Variants in WDFY3 observed in about 807,000 individuals in gnomAD.
The protein encoded by WDFY3 is WD repeat and FYVE domain containing 3, also known as WD repeat and FYVE domain-containing protein 3.
Under a neutral mutation model 409.6 loss-of-function variants are expected in WDFY3, and 66 were observed. The observed-to-expected ratio is 0.16, with a 90% confidence interval of 0.13 to 0.20. The LOEUF is 0.20. Ranked by LOEUF, WDFY3 falls within the 10% of genes least tolerant of loss-of-function variation. The pLI is 1.00. For missense variants in WDFY3, 3,031 were observed against 4,298.1 expected, an observed-to-expected ratio of 0.71 and a Z score of 8.24; for synonymous variants, 1,521 against 1,537.1, an observed-to-expected ratio of 0.99 and a Z score of 0.25.
intron 2 of WDFY3, among the ~76,000 whole-genome samples, chr4:84,929,426 A>G (rs2150943330): frequency 6.6e-6 from 1 of 151,996 alleles, no homozygotes; most frequent in Admixed American, 6.6e-5. Flanking sequence ...TAATCTGAGA[A>G]GTTTTGGGGT....
chr4:84,753,644 T>C (rs1740920350), intron 35 of WDFY3, 53 bp downstream of exon 35: 4 of 1,494,522 alleles, frequency 2.7e-6, no homozygotes, highest in Middle Eastern at 1.8e-4. Flanking sequence ...ACAGACTAAT[T>C]CCAGTTCTGA....
At chr4:84,713,358 A>C in intron 50 of WDFY3, 119 bp from the exon 51 acceptor site, 2 of 798,402 alleles carry the variant, frequency 2.5e-6, no homozygotes, top group Non-Finnish European at 4.1e-6. Flanking sequence ...CCCATAACCC[A>C]CTAAATGGCA....
At chr4:84,961,528 A>G (rs1285630553) in intron 1 of WDFY3, among the ~76,000 whole-genome samples, 1 of 152,182 alleles carries the variant, frequency 6.6e-6, no homozygotes, top group Non-Finnish European at 1.5e-5. Context: ...ATAATTCCCT[A>G]ATGATTATTC....
chr4:84,801,638 A>C lies in WDFY3; in HGVS notation c.2822+12T>G. On this transcript the variant is annotated intron_variant, in intron 17 of 67. Transcript: ENST00000295888. Reference sequence around the variant, plus strand: ...CTAATTGTGGACTATTTGAGTATGAAAGAGAACTTACCTCAACACCATGGG... The same window carrying C: ...CTAATTGTGGACTATTTGAGTATGACAGAGAACTTACCTCAACACCATGGG... 5 of 1,599,412 alleles carry C rather than the reference A, an allele frequency of 3.1e-6. No homozygotes were observed. The highest frequency in any genetic ancestry group is 4.3e-6 in the Non-Finnish European group (5 of 1,171,114).
rs182524616 is a variant in WDFY3 at position 84,712,808 on chromosome 4, A to G, written c.8042+351T>C. Among the ~76,000 whole-genome samples the G allele has an allele frequency of 3.0e-3, 463 of 152,316 alleles. 3 individuals carry two copies. Among genetic ancestry groups the G allele is most frequent in the African/African-American group, 0.011 (444 of 41,578 alleles). On this transcript the variant is annotated intron_variant, in intron 51 of 67. Coordinates refer to ENST00000295888, the MANE Select transcript of WDFY3 (RefSeq NM_014991.6). ...TATATGTGATGAATAGATAGCGAATAATAGTTATGTTTCTGAATAGTTTTT... is the reference window on the plus strand; with the variant it reads ...TATATGTGATGAATAGATAGCGAATGATAGTTATGTTTCTGAATAGTTTTT...
chr4:84,965,665 T>G (rs115760347), intron 1 of WDFY3: 262 of 152,294 alleles, frequency 1.7e-3, no homozygotes, highest in Admixed American at 5.0e-3. Flanking sequence ...TCGAAGGGCT[T>G]CCAGCGTAGG....
chr4:84,809,805 G>C lies in WDFY3; in HGVS notation c.2345+82C>G, dbSNP rs766098877. On this transcript the variant is annotated intron_variant, in intron 14 of 67. Transcript: ENST00000295888. The stretch of plus-strand genomic sequence containing the variant: ...AGTCATCTGTTTTCATATTCTTTTG[G>C]ATTAACTCATAATTCAAGTCTTAAT... 1.0e-5 allele frequency: 13 copies of C among 1,255,290 alleles called. 1 individual carries two copies. The South Asian group carries it at 1.5e-4, about 14-fold the overall frequency. The allele number at this position is 1,255,290 out of a possible 1,614,324, so 77.8% of individuals were successfully genotyped here.
chr4:84,820,597 T>C (rs1357780934), intron 11 of WDFY3, among the ~76,000 whole-genome samples: 1 of 152,078 alleles, frequency 6.6e-6, no homozygotes, highest in Non-Finnish European at 1.5e-5. Flanking sequence ...AATTGCCAGA[T>C]ACTACTGTAC....
At chr4:84,738,609 A>G (rs1737869758) in intron 40 of WDFY3, among the ~76,000 whole-genome samples, 1 of 152,088 alleles carries the variant, frequency 6.6e-6, no homozygotes, top group Non-Finnish European at 1.5e-5. Context: ...TTAAAAAAAA[A>G]AAAAAAAAGA....
rs1015215309 is a variant in WDFY3, at chr4:84,801,984, G to A, written c.2608-120C>T. On this transcript the variant is annotated intron_variant, in intron 16 of 67. Transcript: ENST00000295888. ...TTTTTTGAGACGGAGTTTCGCTCTT[G>A]TTGTCCAGGCTGGAGTGCAATGGTG... is the stretch of plus-strand genomic sequence containing the variant. 4.9e-5 allele frequency: 48 copies of A among 970,254 alleles called. No individual in the cohort carries two copies. The African/African-American group carries it at 7.7e-4, about 16-fold the overall frequency. The allele number at this position is 970,254 out of a possible 1,614,324, so 60.1% of individuals were successfully genotyped here.
intron 63 of WDFY3, chr4:84,682,721 C>T: frequency 2.5e-6 from 1 of 402,822 alleles, no homozygotes; most frequent in Non-Finnish European, 4.6e-6. Flanking sequence ...TGTAGTGCTG[C>T]CTATAATCCC....
intron 5 of WDFY3, among the ~76,000 whole-genome samples, chr4:84,848,370 AC>A (rs1292520316): frequency 6.6e-6 from 1 of 152,196 alleles, no homozygotes; most frequent in African/African-American, 2.4e-5. Flanking sequence ...AAATTCTGAG[AC>A]AAAATGATTT....
chr4:84,746,204 C>T (rs186634241), intron 36 of WDFY3, among the ~76,000 whole-genome samples: 1 of 149,240 alleles, frequency 6.7e-6, no homozygotes, highest in African/African-American at 2.5e-5. Flanking sequence ...GTAGTCATAG[C>T]TACTTGGGAG....
At chr4:84,838,071 G>A (rs1230552223) in intron 6 of WDFY3, among the ~76,000 whole-genome samples, 1 of 152,156 alleles carries the variant, frequency 6.6e-6, no homozygotes, top group Non-Finnish European at 1.5e-5. Flanking sequence ...AAAATAAAAA[G>A]GGAAAGATCA....
chr4:84,670,713 A>C lies in WDFY3; in HGVS notation c.*2155T>G, dbSNP rs892636801. The C allele has an allele frequency of 2.0e-5, 3 of 152,674 alleles. No homozygotes were observed. Among genetic ancestry groups the C allele is most frequent in the African/African-American group, 7.2e-5 (3 of 41,466 alleles). 9.5% of individuals were successfully genotyped at this position (152,674 alleles called of 1,614,324 possible). A position where few individuals can be genotyped will look rare whatever the true frequency, so the allele number is the denominator to read the frequency against. On this transcript the variant is annotated 3_prime_UTR_variant, in exon 68 of 68. Transcript: ENST00000295888. ...ACTGGGTATGGGGTAAACATGATTCATGGACAAAAGGAGGACGCTTCTTTT... is the reference window on the plus strand; with the variant it reads ...ACTGGGTATGGGGTAAACATGATTCCTGGACAAAAGGAGGACGCTTCTTTT...
intron 13 of WDFY3, among the ~76,000 whole-genome samples, chr4:84,810,648 A>G (rs1752339254): frequency 6.6e-6 from 1 of 152,214 alleles, no homozygotes; most frequent in Non-Finnish European, 1.5e-5. Flanking sequence ...GAATTCAGTG[A>G]CTTTACAAAG....
Position 84,678,942 on chromosome 4 carries a change from C to T in WDFY3, c.10124G>A (p.Arg3375Gln), listed in dbSNP as rs372855745. Residue 3375 changes from arginine to glutamine, a missense_variant, in exon 65 of 68, where the codon CGG becomes CAG. Physicochemically the swap from Arg to Gln is conservative, Grantham distance 43 (BLOSUM62 1). Coordinates refer to ENST00000295888, the MANE Select transcript of WDFY3 (RefSeq NM_014991.6). ...ACCAGGTTTCAATCTGCTGTAATTC[C>T]GCACCTCAATGGGATTGGGGTGGGG... ...SHPHPNPIEV[R>Q]NYSRLKPGYR... 39 of 1,612,950 alleles carry T rather than the reference C, an allele frequency of 2.4e-5. No individual in the cohort carries two copies. The highest frequency in any genetic ancestry group is 1.7e-4 in the Middle Eastern group (1 of 6,056).
At position 84,829,081 on chromosome 4, in the gene WDFY3, G is replaced by A; in HGVS notation, c.879C>T (p.Ser293=). ...CCAGAAGTGTTTGGGAAACATCGCTGGAATCTTTGAGGAAACAAGAAAGCC... is the reference window on the plus strand; with the variant it reads ...CCAGAAGTGTTTGGGAAACATCGCTAGAATCTTTGAGGAAACAAGAAAGCC... ...FAGLSCFLKD[S]SDVSQTLLDD... Residue 293 remains serine, a synonymous_variant, in exon 9 of 68, where the codon TCC becomes TCT. Coordinates refer to ENST00000295888, the MANE Select transcript of WDFY3 (RefSeq NM_014991.6). The A allele has an allele frequency of 6.2e-7, 1 of 1,613,698 alleles. No homozygotes were observed. Among genetic ancestry groups the A allele is most frequent in the Non-Finnish European group, 8.5e-7 (1 of 1,179,798 alleles).
At chr4:84,688,063 T>C (rs1197517289) in intron 62 of WDFY3, 23 bp downstream of exon 62, 8 of 1,606,716 alleles carry the variant, frequency 5.0e-6, no homozygotes, top group African/African-American at 4.0e-5. Context: ...TACCTAAACA[T>C]AAGTGGGCAA....
Sources: allele counts gnomAD v4.1 joint callset (sites outside exome capture counted in the v4.1 genomes callset), GRCh38; gene constraint gnomAD v4.1.1; transcripts MANE v1.5; gene names NCBI Gene and HGNC (gene_info 2026-07-23, HGNC 2026-07-21).